The following FLI1 variants were observed in gnomAD, a reference collection of about 807,000 sequenced individuals.
FLI1 encodes Fli-1 proto-oncogene, ETS transcription factor.
A neutral mutation model predicts 53.1 loss-of-function variants in FLI1; 13 were observed. That is an observed-to-expected ratio of 0.24 (90% CI 0.16 to 0.39). The LOEUF (loss-of-function observed/expected upper bound fraction) is 0.39, where lower values mean the gene tolerates loss of function less well. Among genes scored for constraint, FLI1 ranks in the 10% least tolerant of loss-of-function variants. FLI1 has a pLI of 1.00. For missense variants in FLI1, 424 were observed against 600.5 expected, an observed-to-expected ratio of 0.71 and a Z score of 3.07; for synonymous variants, 244 against 236.7, an observed-to-expected ratio of 1.03 and a Z score of -0.28.
At chr11:128,741,442 G>A (rs1940136157) in intron 1 of FLI1, among the ~76,000 whole-genome samples, 1 of 152,160 alleles carries the variant, frequency 6.6e-6, no homozygotes, top group Admixed American at 6.5e-5. Context: ...TCTGCCTACG[G>A]TGACTCTTCA....
At chr11:128,787,536 A>C (rs1255708991) in intron 5 of FLI1, among the ~76,000 whole-genome samples, 1 of 152,160 alleles carries the variant, frequency 6.6e-6, no homozygotes, top group Non-Finnish European at 1.5e-5. Flanking sequence ...CTATTTCAGC[A>C]TTATAGCATA....
At chr11:128,687,811 G>A (rs1440641070) in intron 1 of FLI1, among the ~76,000 whole-genome samples, 1 of 152,208 alleles carries the variant, frequency 6.6e-6, no homozygotes, top group African/African-American at 2.4e-5. Flanking sequence ...ATTTCAGGAA[G>A]GGAAGGCCTA....
At position 128,768,285 on chromosome 11, in the gene FLI1, C is replaced by T; in HGVS notation, c.385+13C>T. The T allele has an allele frequency of 6.2e-7, 1 of 1,610,444 alleles. No individual in the cohort carries two copies. Among genetic ancestry groups the T allele is most frequent in the Non-Finnish European group, 8.5e-7 (1 of 1,179,108 alleles). ...ATCGTCCCCGCAGGTAATTCGAGAA[C>T]CAGGCTGCCTGGGCGCCATTCACTT... On this transcript the variant is annotated intron_variant, in intron 3 of 8. Transcript: ENST00000527786.
At chr11:128,773,573 T>G (rs1014619670) in intron 4 of FLI1, among the ~76,000 whole-genome samples, 1 of 150,292 alleles carries the variant, frequency 6.7e-6, no homozygotes, top group African/African-American at 2.5e-5. Flanking sequence ...AAAAGAGCTT[T>G]GGAAAGGGCG....
chr11:128,778,725 A>T (rs190712671), intron 4 of FLI1, among the ~76,000 whole-genome samples: 4 of 152,324 alleles, frequency 2.6e-5, no homozygotes, highest in Admixed American at 2.0e-4. Context: ...GTTTACCCTG[A>T]TGTGCTGGCA....
At chr11:128,749,457 G>A (rs1288772105) in intron 1 of FLI1, among the ~76,000 whole-genome samples, 1 of 152,160 alleles carries the variant, frequency 6.6e-6, no homozygotes, top group Non-Finnish European at 1.5e-5. Flanking sequence ...GGGCTAATCT[G>A]AGCTTCCTCA....
chr11:128,788,058 C>T (rs1942152557), intron 5 of FLI1, among the ~76,000 whole-genome samples: 3 of 151,908 alleles, frequency 2.0e-5, no homozygotes, highest in African/African-American at 7.3e-5. Flanking sequence ...GATCTGCCCG[C>T]CTCGGCCTCC....
intron 1 of FLI1, among the ~76,000 whole-genome samples, chr11:128,723,795 C>T (rs1013101804): frequency 6.6e-6 from 1 of 152,148 alleles, no homozygotes; most frequent in African/African-American, 2.4e-5. Context: ...TAAATGAACA[C>T]TCACACTAAA....
At chr11:128,716,242 C>G (rs979378601) in intron 1 of FLI1, among the ~76,000 whole-genome samples, 1 of 152,146 alleles carries the variant, frequency 6.6e-6, no homozygotes, top group Non-Finnish European at 1.5e-5. Flanking sequence ...ACCTCCTTCT[C>G]TCCCCACCCC....
At chr11:128,802,297 G>A (rs1254099829) in intron 5 of FLI1, among the ~76,000 whole-genome samples, 6 of 152,142 alleles carry the variant, frequency 3.9e-5, no homozygotes, top group Non-Finnish European at 5.9e-5. Context: ...ACGTCTCCTC[G>A]AGCCCCAGAG....
intron 5 of FLI1, among the ~76,000 whole-genome samples, chr11:128,790,325 G>A (rs1456242792): frequency 6.6e-6 from 1 of 151,468 alleles, no homozygotes; most frequent in African/African-American, 2.4e-5. Context: ...GAACGAGGGT[G>A]ACAGAGAGAA....
chr11:128,753,774 C>T (rs1433365020), intron 1 of FLI1, among the ~76,000 whole-genome samples: 1 of 152,192 alleles, frequency 6.6e-6, no homozygotes, highest in Non-Finnish European at 1.5e-5. Flanking sequence ...CATCAAGTTG[C>T]CCAGACTCAT....
chr11:128,744,538 T>G (rs1262411753), intron 1 of FLI1, among the ~76,000 whole-genome samples: 2 of 152,216 alleles, frequency 1.3e-5, no homozygotes, highest in African/African-American at 4.8e-5. Flanking sequence ...ATTAAAGAAC[T>G]TGTCCAAGGT....
intron 1 of FLI1, among the ~76,000 whole-genome samples, chr11:128,732,197 C>T (rs1393648830): frequency 6.6e-6 from 1 of 152,162 alleles, no homozygotes; most frequent in African/African-American, 2.4e-5. Context: ...CACTGGTTCC[C>T]TTCTTTCTCC....
intron 1 of FLI1, among the ~76,000 whole-genome samples, chr11:128,747,387 C>A (rs1420364990): frequency 6.6e-6 from 1 of 152,188 alleles, no homozygotes; most frequent in Non-Finnish European, 1.5e-5. Context: ...GCTGGTGCAT[C>A]CAGGTGGCCT....
At chr11:128,788,056 C>T (rs1039776089) in intron 5 of FLI1, among the ~76,000 whole-genome samples, 4 of 151,808 alleles carry the variant, frequency 2.6e-5, no homozygotes, top group Non-Finnish European at 4.4e-5. Context: ...ATGATCTGCC[C>T]GCCTCGGCCT....
At chr11:128,718,376 C>T (rs1427939437) in intron 1 of FLI1, among the ~76,000 whole-genome samples, 1 of 152,218 alleles carries the variant, frequency 6.6e-6, no homozygotes, top group African/African-American at 2.4e-5. Context: ...ACATGAGAAA[C>T]TTGCTTTCCA....
chr11:128,698,040 A>G lies in FLI1; in HGVS notation c.18+3764A>G, dbSNP rs569195205. On this transcript the variant is annotated intron_variant, in intron 1 of 8. Coordinates refer to ENST00000527786, the MANE Select transcript of FLI1 (RefSeq NM_002017.5). ...GCACTCTCTCGTCATTAACTCCAGA[A>G]GAGTACAGCACCAACCACACAGCCA... Among the ~76,000 whole-genome samples, 313 of 152,206 alleles carry G rather than the reference A, an allele frequency of 2.1e-3. 1 individual carries two copies. Among genetic ancestry groups the G allele is most frequent in the Non-Finnish European group, 3.8e-3 (261 of 68,016 alleles).
At chr11:128,764,586 G>C in intron 2 of FLI1, 3 of 1,443,396 alleles carry the variant, frequency 2.1e-6, no homozygotes, top group Non-Finnish European at 2.8e-6. Flanking sequence ...GTGCAGGCAA[G>C]CTGAATGGCA....
Sources: allele counts gnomAD v4.1 joint callset (sites outside exome capture counted in the v4.1 genomes callset), GRCh38; gene constraint gnomAD v4.1.1; transcripts MANE v1.5; gene names NCBI Gene and HGNC (gene_info 2026-07-23, HGNC 2026-07-21).